The following BHMT variants were observed in gnomAD, a reference collection of about 807,000 sequenced individuals.
The protein encoded by BHMT is betaine--homocysteine S-methyltransferase 1.
A neutral mutation model predicts 49.5 loss-of-function variants in BHMT; 38 were observed. The observed-to-expected ratio is 0.77, with a 90% CI of 0.59 to 1.01. BHMT has a LOEUF of 1.01. Among genes scored for constraint, BHMT ranks in the 50% least tolerant of loss-of-function variants. The probability of loss-of-function intolerance (pLI) is 0.00; values close to 1 mark genes in which losing one functional copy is unlikely to be tolerated. For missense variants in BHMT, 426 were observed against 495.7 expected (o/e 0.86, Z 1.34); for synonymous variants, 166 against 176.3 (o/e 0.94, Z 0.46).
At chr5:79,119,481 T>G in intron 3 of BHMT, 104 bp downstream of exon 3, 1 of 832,550 alleles carries the variant, frequency 1.2e-6, no homozygotes, top group Non-Finnish European at 1.8e-6. Flanking sequence ...AGTTTTGTTT[T>G]ATTTCTAATA....
At position 79,111,903 on chromosome 5, in the gene BHMT, CA is replaced by C. The variant is rs777359565; in HGVS notation, c.23del (p.Lys8ArgfsTer7). On this transcript the variant is annotated frameshift_variant, in exon 1 of 8. Coordinates refer to ENST00000274353, the MANE Select transcript of BHMT (RefSeq NM_001713.3). LOFTEE classifies it high-confidence loss of function. ...CCACGAAGATGCCACCCGTTGGGGG[CA>C]AAAAGGCCAAGAAGGTGAGTCTCCA... Reference protein sequence around the residue: MPPVGGKKAKKGILERL... With the variant: MPPVGGXKAKKGILERL... 4 of 1,610,168 alleles carry C rather than the reference CA, an allele frequency of 2.5e-6. No individual in the cohort carries two copies. The highest frequency in any genetic ancestry group is 2.2e-5 in the South Asian group (2 of 90,368).
intron 5 of BHMT, 64 bp from the exon 6 acceptor site, chr5:79,125,982 A>G: frequency 1.3e-6 from 2 of 1,482,856 alleles, no homozygotes; most frequent in Non-Finnish European, 1.8e-6. Flanking sequence ...TGATGAAGAG[A>G]GGAGAGCTGG....
rs1453678761 is a variant in BHMT at position 79,127,864 on chromosome 5, C to T, written c.918C>T (p.His306=). The change falls in exon 7 of 8, where the codon CAC becomes CAT. Residue 306 remains histidine, a synonymous_variant. Transcript: ENST00000274353. The stretch of plus-strand genomic sequence containing the variant: ...GGTGCTGTGGATTTGAGCCCTACCA[C>T]ATCAGGGCAATTGCAGAGGAGCTGG... The part of the protein sequence containing the change: ...IGGCCGFEPY[H]IRAIAEELAP... 2 of 1,614,128 alleles carry T rather than the reference C, an allele frequency of 1.2e-6. No individual in the cohort carries two copies. Among genetic ancestry groups the T allele is most frequent in the Non-Finnish European group, 1.7e-6 (2 of 1,180,022 alleles).
At chr5:79,122,721 A>G (rs1409087154) in intron 5 of BHMT, among the ~76,000 whole-genome samples, 1 of 151,370 alleles carries the variant, frequency 6.6e-6, no homozygotes, top group Non-Finnish European at 1.5e-5. Context: ...TATATAAAAT[A>G]TATAAGTATA....
chr5:79,125,988 G>C, intron 5 of BHMT, 58 bp from the exon 6 acceptor site: 2 of 1,513,204 alleles, frequency 1.3e-6, no homozygotes, highest in Non-Finnish European at 1.8e-6. Context: ...AGAGAGGAGA[G>C]CTGGCCCTGC....
At chr5:79,118,253 G>A (rs1756416356) in intron 2 of BHMT, among the ~76,000 whole-genome samples, 1 of 152,066 alleles carries the variant, frequency 6.6e-6, no homozygotes, top group Non-Finnish European at 1.5e-5. Context: ...ATCACTTGAG[G>A]TCAGTAGTTC....
At chr5:79,124,018 AG>A (rs1756512858) in intron 5 of BHMT, among the ~76,000 whole-genome samples, 1 of 152,202 alleles carries the variant, frequency 6.6e-6, no homozygotes, top group South Asian at 2.1e-4. Flanking sequence ...CATCATGCTA[AG>A]TAAACTAAGC....
At chr5:79,116,970 G>T (rs1021972834) in intron 2 of BHMT, among the ~76,000 whole-genome samples, 6 of 152,196 alleles carry the variant, frequency 3.9e-5, no homozygotes, top group Admixed American at 3.9e-4. Flanking sequence ...CTTGCACCCA[G>T]TGGAAGCAGC....
intron 5 of BHMT, among the ~76,000 whole-genome samples, chr5:79,121,759 G>A (rs1417073336): frequency 6.8e-6 from 1 of 148,084 alleles, no homozygotes; most frequent in African/African-American, 2.5e-5. Context: ...AGCTTGCAGT[G>A]AGCCGAGATT....
At chr5:79,129,664 G>A (rs1756607059) in intron 7 of BHMT, among the ~76,000 whole-genome samples, 1 of 152,122 alleles carries the variant, frequency 6.6e-6, no homozygotes, top group Non-Finnish European at 1.5e-5. Context: ...CAGACAGGTT[G>A]AGGCCTGAGC....
chr5:79,127,921 A>G lies in BHMT; in HGVS notation c.975A>G (p.Ser325=), dbSNP rs754266420. The change falls in exon 7 of 8, where the codon TCA becomes TCG. Residue 325 remains serine (S), a synonymous_variant. Coordinates refer to ENST00000274353, the MANE Select transcript of BHMT (RefSeq NM_001713.3). The stretch of plus-strand genomic sequence containing the variant: ...AAAGGGGCTTTTTGCCACCAGCTTC[A>G]GAAAAACATGGCAGCTGGGGAAGTG... ...APERGFLPPA[S]EKHGSWGSGL... 1.9e-6 allele frequency: 3 copies of G among 1,614,082 alleles called. No homozygotes were observed. Among genetic ancestry groups the G allele is most frequent in the Non-Finnish European group, 2.5e-6 (3 of 1,179,982 alleles).
chr5:79,127,105 C>T (rs180932459), intron 6 of BHMT, among the ~76,000 whole-genome samples: 14 of 152,244 alleles, frequency 9.2e-5, no homozygotes, highest in Admixed American at 5.9e-4. Context: ...ACAGTTTCTC[C>T]AGGTCAAGAA....
intron 5 of BHMT, among the ~76,000 whole-genome samples, chr5:79,124,338 C>T (rs1479592301): frequency 6.6e-6 from 1 of 151,648 alleles, no homozygotes; most frequent in Non-Finnish European, 1.5e-5. Context: ...CGCTTGAGGC[C>T]AGAAGTTCAA....
chr5:79,130,840 A>G, intron 7 of BHMT, 93 bp from the exon 8 acceptor site: 1 of 1,162,736 alleles, frequency 8.6e-7, no homozygotes, highest in South Asian at 3.2e-5. Flanking sequence ...AAATTATTTA[A>G]AATATTATAT....
rs376054592 is a variant in BHMT at position 79,128,528 on chromosome 5, T to TAAAAAAA, written c.1037+545_1037+546insAAAAAAA. Among the ~76,000 whole-genome samples the TAAAAAAA allele has an allele frequency of 2.3e-5, 3 of 132,946 alleles. 1 individual carries two copies. Among genetic ancestry groups the TAAAAAAA allele is most frequent in the Non-Finnish European group, 1.6e-5 (1 of 63,340 alleles). 87.2% of individuals were successfully genotyped at this position (132,946 alleles called of 152,430 possible). A position where few individuals can be genotyped will look rare whatever the true frequency, so the allele number is the denominator to read the frequency against. On this transcript the variant is annotated intron_variant, in intron 7 of 7. Coordinates refer to ENST00000274353, the MANE Select transcript of BHMT (RefSeq NM_001713.3). ...TTGGGCAACAGAGTGAGACCCTGTT[T>TAAAAAAA]TAAAAAAAAAAAAAAAAAAGAATAT...
intron 6 of BHMT, among the ~76,000 whole-genome samples, chr5:79,127,295 C>T (rs1309982447): frequency 6.6e-6 from 1 of 152,126 alleles, no homozygotes; most frequent in African/African-American, 2.4e-5. Flanking sequence ...TGACTGGGGG[C>T]CTCAGTTCCT....
In BHMT at chr5:79,115,780, G is replaced by A. The variant is rs372541519; in HGVS notation, c.47G>A (p.Arg16His). The change falls in exon 2 of 8, where the codon CGT becomes CAT. Residue 16 changes from arginine to histidine, a missense_variant. Around this residue, in one of 3 missense-constraint regions of BHMT, gnomAD observed 321 missense variants for 355.9 expected, o/e 0.90. Coordinates refer to ENST00000274353, the MANE Select transcript of BHMT (RefSeq NM_001713.3). ...GKKAKKGILE[R>H]LNAGEIVIGD... ...CTGTAATTTTAGGGCATCCTAGAAC[G>A]TTTAAATGCTGGAGAGATTGTGATT... 3.1e-5 allele frequency: 50 copies of A among 1,611,600 alleles called. No individual in the cohort carries two copies. Among genetic ancestry groups the A allele is most frequent in the South Asian group, 6.6e-5 (6 of 90,656 alleles).
chr5:79,120,266 C>A, intron 3 of BHMT, 84 bp from the exon 4 acceptor site: 2 of 1,270,420 alleles, frequency 1.6e-6, no homozygotes, highest in Non-Finnish European at 2.1e-6. Flanking sequence ...TGTAAATATA[C>A]AACTAAGATG....
At position 79,120,481 on chromosome 5, in the gene BHMT, AG is replaced by A; in HGVS notation, c.418del (p.Val140TyrfsTer6). On this transcript the variant is annotated frameshift_variant, in exon 4 of 8. Transcript: ENST00000274353. LOFTEE classifies it high-confidence loss of function. ...GCAAGAGTGAAACTGAAGTCAAAAA[AG>A]TATTTCTGCAACAGTTAGAGGTCTT... The part of the protein sequence containing the change: ...SCKSETEVKK[V>X]FLQQLEVFMK... 1 of 1,614,126 alleles carries A rather than the reference AG, an allele frequency of 6.2e-7. No individual in the cohort carries two copies. Among genetic ancestry groups the A allele is most frequent in the Non-Finnish European group, 8.5e-7 (1 of 1,180,004 alleles).
Sources: allele counts gnomAD v4.1 joint callset (sites outside exome capture counted in the v4.1 genomes callset), GRCh38; gene constraint gnomAD v4.1.1; regional missense constraint gnomAD v4.1.1; transcripts MANE v1.5; gene names NCBI Gene and HGNC (gene_info 2026-07-23, HGNC 2026-07-21).